LRMDA: variants seen among roughly 807,000 people sequenced by gnomAD.
The protein encoded by LRMDA is leucine rich melanocyte differentiation associated, also known as leucine-rich melanocyte differentiation-associated protein.
Under a neutral mutation model 29.8 loss-of-function variants are expected in LRMDA, and 18 were observed. The observed-to-expected ratio is 0.60, with a 90% CI of 0.42 to 0.90. The LOEUF is 0.90. Among genes scored for constraint, LRMDA ranks in the 40% least tolerant of loss-of-function variants. The probability of loss-of-function intolerance (pLI) is 0.00; values close to 1 mark genes in which losing one functional copy is unlikely to be tolerated. For synonymous variants in LRMDA, 125 were observed against 109.4 expected, an observed-to-expected ratio of 1.14 and a Z score of -0.89; for missense variants, 273 against 273.9, an observed-to-expected ratio of 1.00 and a Z score of 0.02.
At chr10:76,220,988 A>G (rs904382776) in intron 5 of LRMDA, among the ~76,000 whole-genome samples, 50 of 152,296 alleles carry the variant, frequency 3.3e-4, no homozygotes, top group African/African-American at 1.2e-3. Context: ...AATAAATGTA[A>G]TCCAGCATAT....
intron 2 of LRMDA, among the ~76,000 whole-genome samples, chr10:75,844,418 G>A (rs940080207): frequency 1.3e-5 from 2 of 152,080 alleles, no homozygotes; most frequent in Non-Finnish European, 2.9e-5. Flanking sequence ...AGACAGAAAG[G>A]GTTTACTAAG....
intron 5 of LRMDA, among the ~76,000 whole-genome samples, chr10:76,306,759 G>C (rs1166233534): frequency 2.6e-5 from 4 of 152,164 alleles, no homozygotes; most frequent in Non-Finnish European, 5.9e-5. Context: ...TTTTTAGACT[G>C]TTGTTCCCAG....
chr10:76,496,303 A>C (rs1253035268), intron 6 of LRMDA, among the ~76,000 whole-genome samples: 3 of 75,860 alleles, frequency 4.0e-5, no homozygotes, highest in African/African-American at 9.6e-5. Flanking sequence ...GAAGACTTGC[A>C]GGTAACTCTC....
At chr10:75,599,202 A>G (rs1287957786) in intron 2 of LRMDA, among the ~76,000 whole-genome samples, 1 of 152,130 alleles carries the variant, frequency 6.6e-6, no homozygotes, top group Non-Finnish European at 1.5e-5. Flanking sequence ...GGCGCTACAG[A>G]GTTTGTCTTG....
In LRMDA at chr10:76,216,674, T is replaced by A. The variant is rs77648179; in HGVS notation, c.517-107727T>A. On this transcript the variant is annotated intron_variant, in intron 5 of 6. Transcript: ENST00000611255. ...AATCAAATGTTGGAGAGTATGTATA[T>A]CTACAGGAACCCTGCTATGTTGCTG... Among the ~76,000 whole-genome samples, 1,407 of 152,312 alleles carry A rather than the reference T, an allele frequency of 9.2e-3. 23 individuals carry two copies. Among genetic ancestry groups the A allele is most frequent in the African/African-American group, 0.031 (1,281 of 41,564 alleles).
intron 2 of LRMDA, among the ~76,000 whole-genome samples, chr10:75,776,387 T>C (rs1843312240): frequency 6.6e-6 from 1 of 152,222 alleles, no homozygotes; most frequent in Non-Finnish European, 1.5e-5. Context: ...TAGGTTTTCC[T>C]GTACTATTTG....
At chr10:75,875,838 G>A (rs1287706358) in intron 2 of LRMDA, among the ~76,000 whole-genome samples, 2 of 152,134 alleles carry the variant, frequency 1.3e-5, no homozygotes, top group African/African-American at 4.8e-5. Flanking sequence ...GACTCTGTTG[G>A]GAAGACATGA....
chr10:75,903,535 A>G (rs368888664), intron 2 of LRMDA, among the ~76,000 whole-genome samples: 2 of 152,264 alleles, frequency 1.3e-5, no homozygotes, highest in South Asian at 2.1e-4. Context: ...GGCTAAAGCC[A>G]TTCCCCGCAT....
At chr10:75,451,253 A>T (rs1239848653) in intron 2 of LRMDA, 1 of 152,206 alleles carries the variant, frequency 6.6e-6, no homozygotes, top group Non-Finnish European at 1.5e-5. Context: ...GTCATGCTTA[A>T]ATGTGTAGTT....
chr10:76,424,834 A>C (rs1842107407), intron 6 of LRMDA, among the ~76,000 whole-genome samples: 1 of 152,186 alleles, frequency 6.6e-6, no homozygotes, highest in Admixed American at 6.5e-5. Context: ...TGTCTTTCCC[A>C]AGTTATTTCT....
intron 6 of LRMDA, among the ~76,000 whole-genome samples, chr10:76,351,196 T>G (rs767083159): frequency 1.3e-5 from 2 of 152,138 alleles, no homozygotes; most frequent in African/African-American, 2.4e-5. Flanking sequence ...GAATGAAGGA[T>G]GCAGCTCCAC....
intron 6 of LRMDA, among the ~76,000 whole-genome samples, chr10:76,449,185 GTATT>G (rs1263603968): frequency 6.6e-6 from 1 of 151,684 alleles, no homozygotes; most frequent in Non-Finnish European, 1.5e-5. Context: ...ATGAGTTTAT[GTATT>G]TATTTATAAT....
chr10:75,596,854 T>C (rs932058053), intron 2 of LRMDA, among the ~76,000 whole-genome samples: 8 of 152,308 alleles, frequency 5.3e-5, no homozygotes, highest in Non-Finnish European at 8.8e-5. Context: ...ACATGAGAAA[T>C]TGTGCCAGTT....
At chr10:76,062,297 T>C (rs755117103) in intron 5 of LRMDA, among the ~76,000 whole-genome samples, 8 of 152,218 alleles carry the variant, frequency 5.3e-5, no homozygotes, top group Non-Finnish European at 8.8e-5. Context: ...ATTTTATTCC[T>C]GACATAAAGA....
intron 3 of LRMDA, 48 bp from the exon 4 acceptor site, chr10:76,047,116 T>C: frequency 2.5e-6 from 4 of 1,609,518 alleles, no homozygotes; most frequent in Non-Finnish European, 3.4e-6. Flanking sequence ...CCTATGCTCA[T>C]TGCTAAGCCT....
chr10:75,591,408 AAGTG>A (rs1840723036), intron 2 of LRMDA, among the ~76,000 whole-genome samples: 1 of 152,240 alleles, frequency 6.6e-6, no homozygotes, highest in Admixed American at 6.5e-5. Flanking sequence ...AATGTACCCC[AAGTG>A]ACTGATGTGC....
rs1401692640 is a variant in LRMDA, at chr10:76,499,784, G to A, written c.602-57425G>A. On this transcript the variant is annotated intron_variant, in intron 6 of 6. Coordinates refer to ENST00000611255, the MANE Select transcript of LRMDA (RefSeq NM_001305581.2). ...ATCACATATTGCATTTAATTATCAT[G>A]TCTCCTTAGTCTTTTTAAATCTGGA... Among the ~76,000 whole-genome samples the A allele has an allele frequency of 2.7e-5, 2 of 74,570 alleles. 1 individual carries two copies. Among genetic ancestry groups the A allele is most frequent in the Non-Finnish European group, 8.9e-5 (2 of 22,526 alleles). The allele number at this position is 74,570 out of a possible 152,430, so 48.9% of individuals were successfully genotyped here. A position where few individuals can be genotyped will look rare whatever the true frequency, so the allele number is the denominator to read the frequency against.
At chr10:76,038,675 A>G (rs1449917740) in intron 3 of LRMDA, among the ~76,000 whole-genome samples, 6 of 152,190 alleles carry the variant, frequency 3.9e-5, no homozygotes, top group Admixed American at 2.6e-4. Context: ...CCACTTTTTC[A>G]GCTAAATGAC....
chr10:76,057,065 T>C (rs1192488001), intron 4 of LRMDA, among the ~76,000 whole-genome samples: 1 of 152,162 alleles, frequency 6.6e-6, no homozygotes, highest in Non-Finnish European at 1.5e-5. Flanking sequence ...GCCACACTGT[T>C]CCAAGTAACA....
Sources: allele counts gnomAD v4.1 joint callset (sites outside exome capture counted in the v4.1 genomes callset), GRCh38; gene constraint gnomAD v4.1.1; transcripts MANE v1.5; gene names NCBI Gene and HGNC (gene_info 2026-07-23, HGNC 2026-07-21).